FAM133A: variants seen among roughly 807,000 people sequenced by gnomAD.
The protein encoded by FAM133A is protein FAM133A.
For synonymous variants in FAM133A, 65 were observed against 58.6 expected (o/e 1.11, Z -0.50); for missense variants, 159 against 164.4 (o/e 0.97, Z 0.18).
intron 3 of FAM133A, among the ~76,000 whole-genome samples, chrX:93,702,454 A>G (rs1926761841): frequency 9.0e-6 from 1 of 111,621 alleles, no homozygotes; most frequent in African/African-American, 3.3e-5. Context: ...AATATTACCC[A>G]AAGTATAAAA....
In FAM133A at chrX:93,709,902, G is replaced by A; in HGVS notation, c.483G>A (p.Lys161=). ...GCAAGGAGTCTGTAAAAAAGAAAAA[G>A]AAGTCAAAGGATGAAACAGAGAAAG... is the stretch of plus-strand genomic sequence containing the variant. The part of the protein sequence containing the change: ...SESKESVKKK[K]KSKDETEKEK... Residue 161 remains lysine, a synonymous_variant, in exon 4 of 4, where the codon AAG becomes AAA. Transcript: ENST00000683942. 1 of 1,195,364 alleles carries A rather than the reference G, an allele frequency of 8.4e-7. No homozygotes were observed. Among genetic ancestry groups the A allele is most frequent in the Non-Finnish European group, 1.1e-6 (1 of 888,729 alleles).
rs763658944 is a variant in FAM133A at position 93,709,967 on chromosome X, G to A, written c.548G>A (p.Ser183Asn). The change falls in exon 4 of 4, where the codon AGT becomes AAT. Residue 183 changes from serine to asparagine, a missense_variant. By Grantham distance (46) the Ser-to-Asn change is conservative. Transcript: ENST00000683942. Reference sequence around the variant, plus strand: ...AGCCTCAGCAAAAAAAGAAAGAAAAGTTACCCTGATGATAAACCTTTATCA... The same window carrying A: ...AGCCTCAGCAAAAAAAGAAAGAAAAATTACCCTGATGATAAACCTTTATCA... ...VRSLSKKRKKSYPDDKPLSSE... is the reference protein window; with the variant it reads ...VRSLSKKRKKNYPDDKPLSSE... The A allele has an allele frequency of 2.4e-5, 28 of 1,190,693 alleles. No individual in the cohort carries two copies. The highest frequency in any genetic ancestry group is 2.9e-5 in the Non-Finnish European group (26 of 888,701).
intron 3 of FAM133A, among the ~76,000 whole-genome samples, chrX:93,705,127 A>G (rs995550056): frequency 1.8e-5 from 2 of 111,474 alleles, no homozygotes; most frequent in Admixed American, 9.6e-5. Context: ...TGTAATAACT[A>G]TTACCTTTAC....
At chrX:93,698,648 T>C (rs1256405926) in intron 3 of FAM133A, among the ~76,000 whole-genome samples, 163 bp downstream of exon 3, 1 of 111,741 alleles carries the variant, frequency 8.9e-6, no homozygotes, top group Non-Finnish European at 1.9e-5. Context: ...GAAAGTTCCA[T>C]TGTTATGAGT....
chrX:93,675,784 A>G (rs1924644861), intron 2 of FAM133A, among the ~76,000 whole-genome samples: 1 of 111,374 alleles, frequency 9.0e-6, no homozygotes, highest in African/African-American at 3.3e-5. Context: ...GTGGTAGAGG[A>G]TTGTAGTATA....
At chrX:93,684,232 T>C (rs1251691925) in intron 2 of FAM133A, among the ~76,000 whole-genome samples, 1 of 111,939 alleles carries the variant, frequency 8.9e-6, no homozygotes, top group Non-Finnish European at 1.9e-5. Flanking sequence ...GTTATCCAAT[T>C]TTCCCAGCAC....
At chrX:93,696,686 C>G (rs1424660994) in intron 2 of FAM133A, among the ~76,000 whole-genome samples, 1 of 110,922 alleles carries the variant, frequency 9.0e-6, no homozygotes, top group Non-Finnish European at 1.9e-5. Context: ...TTTGGGAGGC[C>G]GAGGCGGGGG....
In FAM133A at chrX:93,711,206, T is replaced by C. The variant is rs1479293048; in HGVS notation, c.*1040T>C. 1 of 123,047 alleles carries C rather than the reference T, an allele frequency of 8.1e-6. No individual in the cohort carries two copies. Among genetic ancestry groups the C allele is most frequent in the African/African-American group, 3.2e-5 (1 of 30,790 alleles). 10.1% of individuals were successfully genotyped at this position (123,047 alleles called of 1,213,427 possible). ...AAGGTTTTTTTTAAAAAATATGTAA[T>C]GCCTTCATATTGAAGCTGGTTACTG... On this transcript the variant is annotated 3_prime_UTR_variant, in exon 4 of 4. Transcript: ENST00000683942.
At chrX:93,702,855 A>C (rs1221314286) in intron 3 of FAM133A, among the ~76,000 whole-genome samples, 49 of 101,973 alleles carry the variant, frequency 4.8e-4, no homozygotes, top group South Asian at 1.7e-3. Context: ...AAAAAAAAAA[A>C]AAAAAAAAAA....
chrX:93,696,392 C>T (rs1307985574), intron 2 of FAM133A, among the ~76,000 whole-genome samples: 1 of 111,449 alleles, frequency 9.0e-6, no homozygotes, highest in Non-Finnish European at 1.9e-5. Context: ...TCGCCATCAT[C>T]TTCTCATAGC....
intron 2 of FAM133A, among the ~76,000 whole-genome samples, chrX:93,686,153 A>AT (rs1254855907): frequency 9.2e-6 from 1 of 108,764 alleles, no homozygotes; most frequent in Non-Finnish European, 1.9e-5. Flanking sequence ...TTAAAATGTA[A>AT]TTTTCTTTAT....
At chrX:93,680,996 A>G (rs950418860) in intron 2 of FAM133A, among the ~76,000 whole-genome samples, 3 of 111,151 alleles carry the variant, frequency 2.7e-5, no homozygotes, top group Non-Finnish European at 5.7e-5. Context: ...TTGAATGTAC[A>G]AACAGCGTAC....
chrX:93,705,972 T>C (rs1217425363), intron 3 of FAM133A, among the ~76,000 whole-genome samples: 5 of 111,931 alleles, frequency 4.5e-5, no homozygotes, highest in African/African-American at 1.6e-4. Flanking sequence ...GACTATGTAC[T>C]CTAGGTCTCT....
chrX:93,697,599 G>C (rs766394493), intron 2 of FAM133A, among the ~76,000 whole-genome samples: 8 of 111,535 alleles, frequency 7.2e-5, no homozygotes, highest in African/African-American at 2.6e-4. Flanking sequence ...TTAATGCCTA[G>C]CTTAATAATT....
At position 93,710,272 on chromosome X, in the gene FAM133A, A is replaced by G. The variant is rs1481206762; in HGVS notation, c.*106A>G. The stretch of plus-strand genomic sequence containing the variant: ...AAATCCCACTGTGCCAGTAAGGGGC[A>G]TAGTGGCTGCTGGCAACTTCAATAT... On this transcript the variant is annotated 3_prime_UTR_variant, in exon 4 of 4. Transcript: ENST00000683942. 1.2e-5 allele frequency: 11 copies of G among 917,258 alleles called. No individual in the cohort carries two copies. Among genetic ancestry groups the G allele is most frequent in the South Asian group, 7.2e-5 (2 of 27,821 alleles). 75.6% of individuals were successfully genotyped at this position (917,258 alleles called of 1,213,427 possible). A position where few individuals can be genotyped will look rare whatever the true frequency, so the allele number is the denominator to read the frequency against.
chrX:93,699,773 C>T (rs1222138186), intron 3 of FAM133A, among the ~76,000 whole-genome samples: 1 of 110,633 alleles, frequency 9.0e-6, no homozygotes, highest in Non-Finnish European at 1.9e-5. Flanking sequence ...GCATATATTG[C>T]CTAAAAATAA....
chrX:93,686,409 G>A (rs1925535086), intron 2 of FAM133A, among the ~76,000 whole-genome samples: 1 of 112,067 alleles, frequency 8.9e-6, no homozygotes, highest in Admixed American at 9.5e-5. Flanking sequence ...TCAGTGAAAT[G>A]TGGAAAATAA....
At chrX:93,707,222 G>A (rs1164540892) in intron 3 of FAM133A, among the ~76,000 whole-genome samples, 2 of 111,875 alleles carry the variant, frequency 1.8e-5, no homozygotes, top group African/African-American at 6.5e-5. Flanking sequence ...TATTTGAGAC[G>A]TGGTTAGGGT....
intron 2 of FAM133A, among the ~76,000 whole-genome samples, chrX:93,686,695 A>C (rs1418653789): frequency 8.9e-6 from 1 of 112,233 alleles, no homozygotes; most frequent in African/African-American, 3.2e-5. Flanking sequence ...ATTACTTGCC[A>C]CTTGGCTATA....
Sources: allele counts gnomAD v4.1 joint callset (sites outside exome capture counted in the v4.1 genomes callset), GRCh38; gene constraint gnomAD v4.1.1; transcripts MANE v1.5; gene names NCBI Gene and HGNC (gene_info 2026-07-23, HGNC 2026-07-21).